EGFL6: variants seen among roughly 807,000 people sequenced by gnomAD.
EGFL6 encodes EGF like domain multiple 6, also known as epidermal growth factor-like protein 6.
A neutral mutation model predicts 43.1 loss-of-function variants in EGFL6; 42 were observed. The observed-to-expected ratio is 0.98, with a 90% CI of 0.76 to 1.26. The LOEUF is 1.26. Ranked by LOEUF, EGFL6 falls within the 50% of genes most tolerant of loss-of-function variation. The pLI is 0.00. For synonymous variants in EGFL6, 164 were observed against 163.2 expected (o/e 1.01, Z -0.04); for missense variants, 429 against 427.8 (o/e 1.00, Z -0.02).
intron 9 of EGFL6, among the ~76,000 whole-genome samples, chrX:13,623,566 G>A (rs1246959916): frequency 1.9e-5 from 2 of 106,735 alleles, no homozygotes; most frequent in Non-Finnish European, 3.9e-5. Flanking sequence ...TAGAGACGGA[G>A]TTTCACCATG....
chrX:13,609,460 A>G (rs748230625), intron 7 of EGFL6, among the ~76,000 whole-genome samples: 6 of 112,227 alleles, frequency 5.3e-5, no homozygotes, highest in Non-Finnish European at 1.1e-4. Flanking sequence ...GTTTAAAGTC[A>G]TCCAGGTTCG....
chrX:13,620,138 C>T (rs748536302), intron 9 of EGFL6, among the ~76,000 whole-genome samples: 19 of 111,537 alleles, frequency 1.7e-4, no homozygotes, highest in African/African-American at 5.9e-4. Flanking sequence ...TGCGATCATT[C>T]CACCAAAGCC....
chrX:13,618,034 C>G lies in EGFL6; in HGVS notation c.1083C>G (p.Ser361Arg). Residue 361 changes from serine (S) to arginine (R), a missense_variant, in exon 8 of 12, where the codon AGC becomes AGG. Coordinates refer to ENST00000361306, the MANE Select transcript of EGFL6 (RefSeq NM_015507.4). ...TGAAGAATGACATAGAGGAGCGAAG[C>G]CTGCGAGGAGATGTGTTTTGTGAGT... Reference protein sequence around the residue: ...KALKNDIEERSLRGDVFFPKV... With the variant: ...KALKNDIEERRLRGDVFFPKV... 8.4e-7 allele frequency: 1 copy of G among 1,192,752 alleles called. No homozygotes were observed. The highest frequency in any genetic ancestry group is 1.1e-6 in the Non-Finnish European group (1 of 886,190).
chrX:13,611,437 A>T (rs1012952569), intron 7 of EGFL6, among the ~76,000 whole-genome samples: 2 of 112,137 alleles, frequency 1.8e-5, no homozygotes, highest in African/African-American at 6.5e-5. Flanking sequence ...ATTTGTTTCA[A>T]TAAGTGGGCA....
At chrX:13,589,794 A>C in intron 2 of EGFL6, 126 bp downstream of exon 2, 1 of 474,138 alleles carries the variant, frequency 2.1e-6, no homozygotes, top group Non-Finnish European at 3.4e-6. Flanking sequence ...ACTACCAATA[A>C]CCAAGGTCTG....
chrX:13,582,810 T>C (rs1343875012), intron 1 of EGFL6, among the ~76,000 whole-genome samples: 1 of 111,636 alleles, frequency 9.0e-6, no homozygotes. Flanking sequence ...CAATCCCAAG[T>C]AATTGACTTT....
At chrX:13,628,580 G>A (rs929253789) in intron 11 of EGFL6, among the ~76,000 whole-genome samples, 2 of 111,204 alleles carry the variant, frequency 1.8e-5, no homozygotes, top group Non-Finnish European at 3.8e-5. Context: ...TTGGGAGGCC[G>A]AGACAGGCAG....
intron 2 of EGFL6, 109 bp from the exon 3 acceptor site, chrX:13,594,727 G>C (rs978582159): frequency 5.1e-6 from 3 of 592,543 alleles, no homozygotes; most frequent in Non-Finnish European, 8.1e-6. Context: ...ATTGTCCTCT[G>C]TATGTCCCCA....
At position 13,617,896 on chromosome X, in the gene EGFL6, C is replaced by T. The variant is rs138374551; in HGVS notation, c.945C>T (p.Pro315=). 196 of 1,209,184 alleles carry T rather than the reference C, an allele frequency of 1.6e-4. No individual in the cohort carries two copies. The highest frequency in any genetic ancestry group is 2.0e-4 in the Non-Finnish European group (177 of 895,157). ...RTPTPKVNLQ[P]FNYEEIVSRG... is the part of the protein sequence containing the mutation. ...CTACCCCTAAGGTGAACTTGCAGCC[C>T]TTCAACTATGAAGAGATAGTTTCCA... The change falls in exon 8 of 12, where the codon CCC becomes CCT. Residue 315 remains proline (P), a synonymous_variant. Coordinates refer to ENST00000361306, the MANE Select transcript of EGFL6 (RefSeq NM_015507.4).
chrX:13,577,443 A>G (rs181949813), intron 1 of EGFL6, among the ~76,000 whole-genome samples: 1,775 of 104,691 alleles, frequency 0.017, 35 homozygotes, highest in African/African-American at 0.058. Context: ...TAGGGTGTAT[A>G]TATATACATA....
At chrX:13,623,377 GTTT>G (rs774112791) in intron 9 of EGFL6, among the ~76,000 whole-genome samples, 2 of 40,360 alleles carry the variant, frequency 5.0e-5, no homozygotes, top group South Asian at 2.1e-3. Context: ...TTTATTTTGG[GTTT>G]TTTTTTTTTT....
At chrX:13,597,886 C>T (rs1204338978) in intron 3 of EGFL6, among the ~76,000 whole-genome samples, 1 of 112,415 alleles carries the variant, frequency 8.9e-6, no homozygotes, top group African/African-American at 3.2e-5. Flanking sequence ...GATTCTGAAC[C>T]AAGATACTGT....
intron 4 of EGFL6, among the ~76,000 whole-genome samples, chrX:13,602,255 G>C (rs2045637989): frequency 9.0e-6 from 1 of 110,975 alleles, no homozygotes; most frequent in African/African-American, 3.3e-5. Flanking sequence ...TGGAGGGAGG[G>C]AGTACATTCA....
intron 1 of EGFL6, among the ~76,000 whole-genome samples, chrX:13,586,919 CA>C (rs1422242812): frequency 8.9e-6 from 1 of 112,252 alleles, no homozygotes. Flanking sequence ...AGTACTGTTA[CA>C]AGCTACAACA....
intron 11 of EGFL6, among the ~76,000 whole-genome samples, chrX:13,630,296 A>G (rs12392193): frequency 0.12 from 13,480 of 110,800 alleles, 898 homozygotes; most frequent in African/African-American, 0.26. Flanking sequence ...TTTGGGGGGG[A>G]TAGAGGAGGT....
chrX:13,594,704 C>T, intron 2 of EGFL6, 132 bp from the exon 3 acceptor site: 2 of 449,083 alleles, frequency 4.5e-6, no homozygotes, highest in Non-Finnish European at 7.5e-6. Flanking sequence ...TGCCTCCCTT[C>T]AAAGGGAGGC....
intron 1 of EGFL6, among the ~76,000 whole-genome samples, chrX:13,572,788 G>T (rs1429737781): frequency 8.9e-6 from 1 of 111,929 alleles, no homozygotes; most frequent in East Asian, 2.8e-4. Context: ...AGCCCTGGTA[G>T]CAAAGTGCCA....
intron 2 of EGFL6, among the ~76,000 whole-genome samples, chrX:13,593,958 C>A (rs1027242036): frequency 4.5e-5 from 5 of 111,431 alleles, no homozygotes; most frequent in African/African-American, 1.3e-4. Context: ...ATTGCTGAGT[C>A]ATTCTTTCCT....
chrX:13,614,618 G>C (rs1367960913), intron 7 of EGFL6, among the ~76,000 whole-genome samples: 1 of 111,846 alleles, frequency 8.9e-6, no homozygotes, highest in Admixed American at 9.5e-5. Flanking sequence ...TGGGTGTTTG[G>C]AGAAATCTCA....
Sources: gnomAD v4.1 joint callset for allele counts (sites outside exome capture counted in the v4.1 genomes callset) on GRCh38, gnomAD v4.1.1 for gene constraint, MANE v1.5 for transcripts, NCBI Gene and HGNC (gene_info 2026-07-23, HGNC 2026-07-21) for gene names.